EIPR1: variants seen among roughly 807,000 people sequenced by gnomAD.
EIPR1 encodes EARP and GARP complex-interacting protein 1.
In EIPR1, 25 loss-of-function variants were observed where a neutral mutation model predicts 48.1. That is an observed-to-expected ratio of 0.52 (90% CI 0.38 to 0.73). The LOEUF (loss-of-function observed/expected upper bound fraction) is 0.73, where lower values mean the gene tolerates loss of function less well. Among genes scored for constraint, EIPR1 ranks in the 30% least tolerant of loss-of-function variants. The pLI, the probability that EIPR1 is intolerant of heterozygous loss-of-function variation, is 0.00. For missense variants in EIPR1, 415 were observed against 506.2 expected (o/e 0.82, Z 1.73); for synonymous variants, 204 against 201.9 (o/e 1.01, Z -0.09).
intron 3 of EIPR1, among the ~76,000 whole-genome samples, chr2:3,313,482 C>A (rs1346907708): frequency 6.6e-6 from 1 of 152,122 alleles, no homozygotes; most frequent in Non-Finnish European, 1.5e-5. Flanking sequence ...AGAGCCCAGT[C>A]CTCCAGGTGA....
At chr2:3,348,966 C>T (rs1047792556) in intron 2 of EIPR1, among the ~76,000 whole-genome samples, 2 of 152,180 alleles carry the variant, frequency 1.3e-5, no homozygotes, top group African/African-American at 2.4e-5. Context: ...GCGGGCTGCT[C>T]GCAGCCGGAA....
At chr2:3,304,887 G>A (rs76130610) in intron 3 of EIPR1, among the ~76,000 whole-genome samples, 16,858 of 101,746 alleles carry the variant, frequency 0.17, 2,385 homozygotes, top group Non-Finnish European at 0.19. Context: ...CTCCATTCCC[G>A]TCCAGTTCAA....
At chr2:3,313,642 T>C (rs1669195457) in intron 3 of EIPR1, among the ~76,000 whole-genome samples, 1 of 152,164 alleles carries the variant, frequency 6.6e-6, no homozygotes, top group South Asian at 2.1e-4. Context: ...CCTAAATTTA[T>C]AGCCATTTTC....
chr2:3,269,294 G>GCACTCAGTCATC (rs1667599777), intron 3 of EIPR1, among the ~76,000 whole-genome samples: 7 of 59,978 alleles, frequency 1.2e-4, no homozygotes, highest in Middle Eastern at 8.3e-3. Flanking sequence ...ACTCAGTCAT[G>GCACTCAGTCATC]GCACTCAGTC....
intron 4 of EIPR1, chr2:3,214,565 C>T: frequency 4.8e-6 from 1 of 208,434 alleles, no homozygotes; most frequent in Admixed American, 5.8e-5. Flanking sequence ...ATACCGTGAG[C>T]TGAAAATGCA....
intron 3 of EIPR1, among the ~76,000 whole-genome samples, chr2:3,314,573 C>G (rs1669226901): frequency 6.6e-6 from 1 of 152,036 alleles, no homozygotes; most frequent in African/African-American, 2.4e-5. Context: ...CTGTGACAGG[C>G]AGAAGAGGAG....
intron 3 of EIPR1, among the ~76,000 whole-genome samples, chr2:3,267,223 C>G (rs1444256626): frequency 6.6e-6 from 1 of 152,212 alleles, no homozygotes; most frequent in African/African-American, 2.4e-5. Flanking sequence ...GCAGGACGAC[C>G]ACAGAGCACT....
intron 4 of EIPR1, among the ~76,000 whole-genome samples, chr2:3,246,845 G>C (rs1186084764): frequency 1.3e-5 from 1 of 76,484 alleles, no homozygotes; most frequent in Non-Finnish European, 2.6e-5. Flanking sequence ...AGGAGGAAGG[G>C]AGGGAAGGAG....
At chr2:3,243,477 A>C (rs1217394616) in intron 4 of EIPR1, among the ~76,000 whole-genome samples, 2 of 152,068 alleles carry the variant, frequency 1.3e-5, no homozygotes, top group African/African-American at 4.8e-5. Context: ...TAAAAAATAC[A>C]AAAATTAGCT....
chr2:3,257,201 G>T (rs780924948), intron 4 of EIPR1, 98 bp downstream of exon 4: 65 of 1,336,852 alleles, frequency 4.9e-5, no homozygotes, highest in Non-Finnish European at 4.6e-5. Context: ...GCGTTTCCGA[G>T]GTGTGGACGG....
chr2:3,282,403 C>G (rs974930929), intron 3 of EIPR1: 2 of 152,298 alleles, frequency 1.3e-5, no homozygotes, highest in African/African-American at 4.8e-5. Context: ...CCACAGACTT[C>G]AATGAGCCCG....
At chr2:3,347,487 C>CT (rs1491060690) in intron 2 of EIPR1, among the ~76,000 whole-genome samples, 1 of 152,224 alleles carries the variant, frequency 6.6e-6, no homozygotes, top group Non-Finnish European at 1.5e-5. Flanking sequence ...TAAGATGTGA[C>CT]TTGCTCCTCC....
intron 3 of EIPR1, among the ~76,000 whole-genome samples, chr2:3,258,228 G>A (rs1319200524): frequency 6.6e-6 from 1 of 152,166 alleles, no homozygotes; most frequent in Non-Finnish European, 1.5e-5. Context: ...TAGAAAGACT[G>A]GGGTCACTTG....
At chr2:3,218,338 CGGCCCTG>C (rs1665721803) in intron 4 of EIPR1, among the ~76,000 whole-genome samples, 1 of 146,428 alleles carries the variant, frequency 6.8e-6, no homozygotes, top group Non-Finnish European at 1.5e-5. Flanking sequence ...ACACCCAACA[CGGCCCTG>C]ATACACTCTA....
intron 1 of EIPR1, among the ~76,000 whole-genome samples, chr2:3,369,985 C>A (rs1006691251): frequency 1.3e-5 from 2 of 152,156 alleles, no homozygotes; most frequent in Non-Finnish European, 2.9e-5. Context: ...GGGAGGCACC[C>A]CCCCCGTAGG....
rs533862728 is a variant in EIPR1, at chr2:3,206,907, C to T, written c.516+7242G>A. 3.9e-5 allele frequency among the ~76,000 whole-genome samples: 6 copies of T among 152,128 alleles called. No homozygotes were observed. The East Asian group carries it at 7.7e-4, about 20-fold the overall frequency. On this transcript the variant is annotated intron_variant, in intron 5 of 8. Coordinates refer to ENST00000382125, the MANE Select transcript of EIPR1 (RefSeq NM_003310.5). ...TGAGGGCAGAAAACACTGGGAGCAG[C>T]GCGTCATGAAAGCACGCCGGATCCC...
chr2:3,291,460 G>A (rs1668362942), intron 3 of EIPR1, among the ~76,000 whole-genome samples: 1 of 152,158 alleles, frequency 6.6e-6, no homozygotes, highest in African/African-American at 2.4e-5. Flanking sequence ...GCTTTCAAAA[G>A]GAGTCTAAGA....
chr2:3,230,696 T>C (rs934006024), intron 4 of EIPR1, among the ~76,000 whole-genome samples: 3 of 152,248 alleles, frequency 2.0e-5, no homozygotes, highest in African/African-American at 7.2e-5. Context: ...CTTTCTATTC[T>C]GTTCCATTGG....
chr2:3,199,069 C>A lies in EIPR1; in HGVS notation c.517-2052G>T, dbSNP rs553861105. 3.6e-4 allele frequency among the ~76,000 whole-genome samples: 19 copies of A among 52,554 alleles called. 7 individuals carry two copies. The South Asian group carries it at 7.9e-3, about 22-fold the overall frequency. 34.5% of individuals were successfully genotyped at this position (52,554 alleles called of 152,430 possible). A position where few individuals can be genotyped will look rare whatever the true frequency, so the allele number is the denominator to read the frequency against. On this transcript the variant is annotated intron_variant, in intron 5 of 8. Coordinates refer to ENST00000382125, the MANE Select transcript of EIPR1 (RefSeq NM_003310.5). ...AGTGGCCATTTTAGAGGGCCCCCCC[C>A]CCGCCCCGGGAATGCATTCTTTTCC...
Sources: gnomAD v4.1 joint callset for allele counts (sites outside exome capture counted in the v4.1 genomes callset) on GRCh38, gnomAD v4.1.1 for gene constraint, MANE v1.5 for transcripts, NCBI Gene and HGNC (gene_info 2026-07-23, HGNC 2026-07-21) for gene names.